The following SETD7 variants were observed in gnomAD, a reference collection of about 807,000 sequenced individuals.
The protein encoded by SETD7 is SET domain containing 7, histone lysine methyltransferase.
A neutral mutation model predicts 41.8 loss-of-function variants in SETD7; 16 were observed. The observed-to-expected ratio is 0.38, with a 90% CI of 0.26 to 0.58. The LOEUF is 0.58. Ranked by LOEUF, SETD7 falls within the 20% of genes least tolerant of loss-of-function variation. The probability of loss-of-function intolerance (pLI) is 0.64; values close to 1 mark genes in which losing one functional copy is unlikely to be tolerated. For missense variants in SETD7, 346 were observed against 459.7 expected, an observed-to-expected ratio of 0.75 and a Z score of 2.26; for synonymous variants, 163 against 169.7, an observed-to-expected ratio of 0.96 and a Z score of 0.31.
At chr4:139,512,586 C>T (rs200555203) in intron 7 of SETD7, among the ~76,000 whole-genome samples, 1 of 152,138 alleles carries the variant, frequency 6.6e-6, no homozygotes, top group Non-Finnish European at 1.5e-5. Context: ...TTCATCTGCA[C>T]AGCTCCCTGC....
At chr4:139,513,061 T>C (rs1726925094) in intron 7 of SETD7, among the ~76,000 whole-genome samples, 1 of 152,020 alleles carries the variant, frequency 6.6e-6, no homozygotes, top group African/African-American at 2.4e-5. Context: ...GCCCAGTTTA[T>C]AGTCATATTT....
At chr4:139,494,982 G>C (rs1018867580), downstream of SETD7, among the ~76,000 whole-genome samples, 20 of 152,180 alleles carry the variant, frequency 1.3e-4, no homozygotes, top group Non-Finnish European at 1.5e-5. Context: ...AACATTATAT[G>C]TAATGGCACT....
In SETD7 at chr4:139,506,594, C is replaced by G. The variant is rs527886551; in HGVS notation, c.*5069G>C. 6.6e-6 allele frequency: 1 copy of G among 152,554 alleles called. No homozygotes were observed. Among genetic ancestry groups the G allele is most frequent in the South Asian group, 2.1e-4 (1 of 4,824 alleles). The allele number at this position is 152,554 out of a possible 1,614,324, so 9.5% of individuals were successfully genotyped here. A position where few individuals can be genotyped will look rare whatever the true frequency, so the allele number is the denominator to read the frequency against. ...TAATTATCATAAACCAAAATGTAAC[C>G]AAGTAGATATGTTGATACATTGGCA... On this transcript the variant is annotated 3_prime_UTR_variant, in exon 8 of 8. Transcript: ENST00000274031.
In SETD7 at chr4:139,509,590, C is replaced by T. The variant is rs564131281; in HGVS notation, c.*2073G>A. 1.5e-4 allele frequency: 69 copies of T among 454,174 alleles called. No homozygotes were observed. The highest frequency in any genetic ancestry group is 9.8e-4 in the African/African-American group (46 of 47,132). 28.1% of individuals were successfully genotyped at this position (454,174 alleles called of 1,614,324 possible). Reference sequence around the variant, plus strand: ...TGACCAGCACTATCCTCTCCCTGACCGTATTCCCTGACCTGGCTGCACAAC... The same window carrying T: ...TGACCAGCACTATCCTCTCCCTGACTGTATTCCCTGACCTGGCTGCACAAC... On this transcript the variant is annotated 3_prime_UTR_variant, in exon 8 of 8. Coordinates refer to ENST00000274031, the MANE Select transcript of SETD7 (RefSeq NM_030648.4).
rs1165820272 is a variant in SETD7 at position 139,546,951 on chromosome 4, C to T, written c.139G>A (p.Gly47Arg). 1.2e-6 allele frequency: 2 copies of T among 1,614,076 alleles called. No individual in the cohort carries two copies. Among genetic ancestry groups the T allele is most frequent in the Non-Finnish European group, 1.7e-6 (2 of 1,180,036 alleles). ...EGNFVHGEKN[G>R]RGKFFFFDGS... Reference sequence around the variant, plus strand: ...TCAAAGAAGAAGAACTTCCCCCGTCCGTTCTTTTCTCCGTGAACAAAGTTC... The same window carrying T: ...TCAAAGAAGAAGAACTTCCCCCGTCTGTTCTTTTCTCCGTGAACAAAGTTC... Residue 47 changes from glycine (G) to arginine (R), a missense_variant, in exon 2 of 8, where the codon GGA becomes AGA. Transcript: ENST00000274031.
chr4:139,531,710 G>T (rs1727486682), intron 3 of SETD7, among the ~76,000 whole-genome samples: 1 of 152,158 alleles, frequency 6.6e-6, no homozygotes. Context: ...TGTGTAAGTG[G>T]ATTTAGCTGG....
At position 139,509,692 on chromosome 4, in the gene SETD7, A is replaced by T; in HGVS notation, c.*1971T>A. ...CCTTTGGGCACATTTAAATTAAAGC[A>T]CCTATCAGAATGCAAGTCCAGAGGC... On this transcript the variant is annotated 3_prime_UTR_variant, in exon 8 of 8. Transcript: ENST00000274031. 6.1e-6 allele frequency: 6 copies of T among 985,362 alleles called. No individual in the cohort carries two copies. Among genetic ancestry groups the T allele is most frequent in the Non-Finnish European group, 7.2e-6 (6 of 829,862 alleles). The allele number at this position is 985,362 out of a possible 1,614,324, so 61.0% of individuals were successfully genotyped here.
chr4:139,544,497 A>T (rs1241640521), intron 2 of SETD7, among the ~76,000 whole-genome samples: 2 of 152,132 alleles, frequency 1.3e-5, no homozygotes, highest in Non-Finnish European at 2.9e-5. Context: ...ACACTGGGGT[A>T]AGCGGATGAA....
chr4:139,523,549 G>C, intron 4 of SETD7, 114 bp from the exon 5 acceptor site: 2 of 639,460 alleles, frequency 3.1e-6, no homozygotes, highest in South Asian at 4.6e-5. Flanking sequence ...TCTTAATCAA[G>C]TTATACCAAC....
chr4:139,527,786 G>C (rs1193016561), intron 4 of SETD7, among the ~76,000 whole-genome samples: 1 of 152,098 alleles, frequency 6.6e-6, no homozygotes. Context: ...GATTTCACCA[G>C]TTTTTCCACT....
Position 139,517,997 on chromosome 4 carries a change from C to G in SETD7, c.808G>C (p.Asp270His). 1 of 1,614,052 alleles carries G rather than the reference C, an allele frequency of 6.2e-7. No homozygotes were observed. The highest frequency in any genetic ancestry group is 1.3e-5 in the African/African-American group (1 of 75,038). ...GGCACATCAATGACCGTTTCTTCAT[C>G]AAGGGAGAGGGTGTTCCCATTAAGG... ...WALNGNTLSL[D>H]EETVIDVPEP... Residue 270 changes from aspartate to histidine, a missense_variant, in exon 7 of 8, where the codon GAT becomes CAT. Around this residue, in one of 3 missense-constraint regions of SETD7, gnomAD observed 266 missense variants for 377.0 expected, o/e 0.71. Coordinates refer to ENST00000274031, the MANE Select transcript of SETD7 (RefSeq NM_030648.4).
downstream of SETD7, among the ~76,000 whole-genome samples, chr4:139,493,177 A>G (rs551652707): frequency 1.3e-5 from 2 of 152,358 alleles, no homozygotes. Context: ...CAATGAAACA[A>G]TTTGGGTGGT....
chr4:139,500,949 T>C (rs1042597347), intron 7 of SETD7, among the ~76,000 whole-genome samples: 2 of 152,072 alleles, frequency 1.3e-5, no homozygotes, highest in Non-Finnish European at 2.9e-5. Context: ...CCACCTCAGG[T>C]CGTGGCTCTC....
At chr4:139,534,228 C>G (rs1727573175) in intron 2 of SETD7, among the ~76,000 whole-genome samples, 1 of 152,100 alleles carries the variant, frequency 6.6e-6, no homozygotes, top group African/African-American at 2.4e-5. Flanking sequence ...CTGAAAGGCC[C>G]TATGCAATGA....
rs6536233 is a variant in SETD7, at chr4:139,537,826, G to A, written c.171-4460C>T. Among the ~76,000 whole-genome samples the A allele has an allele frequency of 9.9e-3, 1,507 of 152,280 alleles. 26 individuals carry two copies. The highest frequency in any genetic ancestry group is 0.034 in the African/African-American group (1,431 of 41,532). ...AATTCGATATGCATACAGGCTGTAC[G>A]TGAGGAAAGTTTCTTAAACTTCCTA... On this transcript the variant is annotated intron_variant, in intron 2 of 7. Transcript: ENST00000274031.
downstream of SETD7, among the ~76,000 whole-genome samples, chr4:139,502,269 C>A (rs1025843646): frequency 2.6e-5 from 4 of 152,182 alleles, no homozygotes; most frequent in African/African-American, 9.7e-5. Context: ...AGACAATAAA[C>A]AATCAACATA....
chr4:139,494,596 A>G (rs1357757260), downstream of SETD7, among the ~76,000 whole-genome samples: 2 of 152,234 alleles, frequency 1.3e-5, no homozygotes, highest in African/African-American at 2.4e-5. Flanking sequence ...GATATGAAAG[A>G]CATTCCACTG....
At chr4:139,499,023 C>CTG (rs1314989292) in intron 7 of SETD7, among the ~76,000 whole-genome samples, 1 of 152,184 alleles carries the variant, frequency 6.6e-6, no homozygotes, top group Non-Finnish European at 1.5e-5. Flanking sequence ...GATTGCACCA[C>CTG]TGCCCTCCCA....
chr4:139,548,113 T>C (rs563014338), intron 1 of SETD7: 2 of 152,258 alleles, frequency 1.3e-5, no homozygotes, highest in African/African-American at 2.4e-5. Context: ...TTTCTTGGGG[T>C]AATAACCTGG....
Sources: allele counts gnomAD v4.1 joint callset (sites outside exome capture counted in the v4.1 genomes callset), GRCh38; gene constraint gnomAD v4.1.1; regional missense constraint gnomAD v4.1.1; transcripts MANE v1.5; gene names NCBI Gene and HGNC (gene_info 2026-07-23, HGNC 2026-07-21).